DNAH2: variants seen among roughly 807,000 people sequenced by gnomAD.
DNAH2 encodes dynein axonemal heavy chain 2.
In DNAH2, 323 loss-of-function variants were observed where a neutral mutation model predicts 523.5. The observed-to-expected ratio is 0.62, with a 90% CI of 0.56 to 0.68. The LOEUF (loss-of-function observed/expected upper bound fraction) is 0.68. Among genes scored for constraint, DNAH2 ranks in the 30% least tolerant of loss-of-function variants. The pLI is 0.00. For synonymous variants in DNAH2, 2,093 were observed against 2,177.4 expected, an observed-to-expected ratio of 0.96 and a Z score of 1.08; for missense variants, 4,907 against 5,701.5, an observed-to-expected ratio of 0.86 and a Z score of 4.49.
chr17:7,786,199 C>G lies in DNAH2; in HGVS notation c.6205C>G (p.Gln2069Glu), dbSNP rs772507077. ...GCCGTTCACCCTCACCAAGGTTTTC[C>G]AGTTGTATGAAACCAAGAACTCCCG... ...STPFTLTKVF[Q>E]LYETKNSRHS... The change falls in exon 40 of 86, where the codon CAG becomes GAG. Residue 2069 changes from glutamine (Q) to glutamate (E), a missense_variant. Physicochemically the swap from Gln to Glu is conservative, Grantham distance 29. This residue lies in a region of DNAH2 where 2,806 missense variants were observed against 3,190.8 expected (regional missense o/e 0.88). Transcript: ENST00000572933. The surrounding 1 kb of genome is among the most constrained non-coding windows in gnomAD (Gnocchi z 7.5). The G allele has an allele frequency of 1.2e-5, 19 of 1,613,838 alleles. No homozygotes were observed. Among genetic ancestry groups the G allele is most frequent in the Admixed American group, 1.7e-5 (1 of 59,974 alleles).
At chr17:7,783,347 A>T (rs1195444021) in intron 39 of DNAH2, among the ~76,000 whole-genome samples, 1 of 152,060 alleles carries the variant, frequency 6.6e-6, no homozygotes, top group Non-Finnish European at 1.5e-5. Context: ...AAAGTGCTGG[A>T]ATTACAGGCA....
At chr17:7,789,640 G>C (rs1021941372) in intron 44 of DNAH2, among the ~76,000 whole-genome samples, 1 of 149,396 alleles carries the variant, frequency 6.7e-6, no homozygotes, top group African/African-American at 2.5e-5. Context: ...GCAGTGGCAC[G>C]ATCTCAGCTC....
At chr17:7,746,607 A>G (rs2075524340) in intron 12 of DNAH2, among the ~76,000 whole-genome samples, 1 of 152,182 alleles carries the variant, frequency 6.6e-6, no homozygotes, top group African/African-American at 2.4e-5. Context: ...GTTTTCCTTT[A>G]ATCTTTTAAA....
In DNAH2 at chr17:7,797,489, C is replaced by T. The variant is rs752530791; in HGVS notation, c.8039C>T (p.Thr2680Ile). 1.2e-6 allele frequency: 2 copies of T among 1,614,082 alleles called. No individual in the cohort carries two copies. The highest frequency in any genetic ancestry group is 2.7e-5 in the African/African-American group (2 of 74,922). The change falls in exon 52 of 86, where the codon ACA (threonine) becomes ATA (isoleucine). Residue 2680 changes from threonine (T) to isoleucine (I), a missense_variant. By Grantham distance (89) the Thr-to-Ile change is moderately conservative. Transcript: ENST00000572933. The stretch of plus-strand genomic sequence containing the variant: ...AAGCTCGGCTCCTTCTTTGACCTCA[C>T]ATTTCATCATCTCTGTCCCAGCAAG... ...SDKLGSFFDL[T>I]FHHLCPSKRP...
At chr17:7,792,453 G>A in intron 46 of DNAH2, 110 bp downstream of exon 46, 2 of 1,223,972 alleles carry the variant, frequency 1.6e-6, no homozygotes, top group Non-Finnish European at 2.4e-6. Flanking sequence ...GGAGAAGGTG[G>A]GTCCCAGAGA....
At chr17:7,749,833 A>G (rs1453345647) in intron 12 of DNAH2, among the ~76,000 whole-genome samples, 2 of 151,970 alleles carry the variant, frequency 1.3e-5, no homozygotes, top group Admixed American at 6.6e-5. Flanking sequence ...CGTCTATACT[A>G]AAAATACAAA....
chr17:7,806,373 A>T (rs1465305705), intron 61 of DNAH2, among the ~76,000 whole-genome samples: 1 of 152,136 alleles, frequency 6.6e-6, no homozygotes, highest in Non-Finnish European at 1.5e-5. Context: ...AGATAGAAGA[A>T]TGGGCCAGGC....
At position 7,718,156 on chromosome 17, in the gene DNAH2, C is replaced by G. The variant is rs1335974787; in HGVS notation, c.-658C>G. On this transcript the variant is annotated 5_prime_UTR_variant, in exon 1 of 86. Transcript: ENST00000572933. ...CGGTATTTCCTAGTACTAGAGTGAGCCCCGACTTAGCAGAGCAGTTCCTCC... is the reference window on the plus strand; with the variant it reads ...CGGTATTTCCTAGTACTAGAGTGAGGCCCGACTTAGCAGAGCAGTTCCTCC... 6.6e-6 allele frequency: 1 copy of G among 152,170 alleles called. No individual in the cohort carries two copies. Among genetic ancestry groups the G allele is most frequent in the East Asian group, 1.9e-4 (1 of 5,200 alleles). The allele number at this position is 152,170 out of a possible 1,614,324, so 9.4% of individuals were successfully genotyped here.
chr17:7,743,126 G>A lies in DNAH2; in HGVS notation c.1888G>A (p.Asp630Asn). 1 of 1,586,440 alleles carries A rather than the reference G, an allele frequency of 6.3e-7. No individual in the cohort carries two copies. The highest frequency in any genetic ancestry group is 8.5e-7 in the Non-Finnish European group (1 of 1,170,580). ...CAGCCAGGAGAAGGCGGGCATGCTGGATGTCAACTTTGACAAGTACAGGAG... is the reference window on the plus strand; with the variant it reads ...CAGCCAGGAGAAGGCGGGCATGCTGAATGTCAACTTTGACAAGTACAGGAG... ...RISQEKAGML[D>N]VNFDKSLLIL... is the part of the protein sequence containing the mutation. The change falls in exon 12 of 86, where the codon GAT becomes AAT. Residue 630 changes from aspartate to asparagine, a missense_variant. Physicochemically the swap from Asp to Asn is conservative, Grantham distance 23. Around this residue, in one of 3 missense-constraint regions of DNAH2, gnomAD observed 2,806 missense variants for 3,190.8 expected, o/e 0.88. Transcript: ENST00000572933.
intron 30 of DNAH2, 114 bp from the exon 31 acceptor site, chr17:7,775,910 C>A (rs1240069091): frequency 9.9e-6 from 14 of 1,412,970 alleles, no homozygotes; most frequent in Non-Finnish European, 1.3e-5. Flanking sequence ...TGGCCATTCC[C>A]GCTTTTCTCT....
In DNAH2 at chr17:7,798,050, T is replaced by TG; in HGVS notation, c.8231-105dup. The TG allele has an allele frequency of 2.1e-6, 3 of 1,447,488 alleles. No individual in the cohort carries two copies. Among genetic ancestry groups the TG allele is most frequent in the Non-Finnish European group, 1.8e-6 (2 of 1,083,156 alleles). The allele number at this position is 1,447,488 out of a possible 1,614,324, so 89.7% of individuals were successfully genotyped here. A position where few individuals can be genotyped will look rare whatever the true frequency, so the allele number is the denominator to read the frequency against. ...GGCACCAACTTCTTCTCATACCTCT[T>TG]GGTTCCTCTGCTTCAGTTTCAGGGG... On this transcript the variant is annotated intron_variant, in intron 53 of 85. Transcript: ENST00000572933. The surrounding 1 kb of genome is among the most constrained non-coding windows in gnomAD (Gnocchi z 5.5).
At chr17:7,796,697 C>T (rs1414961319) in intron 50 of DNAH2, 45 bp downstream of exon 50, 3 of 1,575,460 alleles carry the variant, frequency 1.9e-6, no homozygotes, top group Admixed American at 3.7e-5. Flanking sequence ...GCCCAGCCTC[C>T]GCGGAGGCTT....
chr17:7,817,272 CT>C lies in DNAH2; in HGVS notation c.9895-17del, dbSNP rs2077698693. The C allele has an allele frequency of 6.3e-7, 1 of 1,584,492 alleles. No homozygotes were observed. The highest frequency in any genetic ancestry group is 8.5e-7 in the Non-Finnish European group (1 of 1,172,182). ...GTGCTGGGGCCCAGGCAGGCTTACC[CT>C]CCCTCCTGTCCGCCAGGGCCTGGAG... On this transcript the variant is annotated splice_polypyrimidine_tract_variant and intron_variant, in intron 64 of 85. Transcript: ENST00000572933.
chr17:7,786,630 A>G lies in DNAH2; in HGVS notation c.6409A>G (p.Ser2137Gly), dbSNP rs767907430. 3.7e-6 allele frequency: 6 copies of G among 1,614,032 alleles called. No homozygotes were observed. In the African/African-American group the frequency reaches 5.3e-5, roughly 14 times the overall value. ...LGELYGEYDL[S>G]TNEWTDGILS... The stretch of plus-strand genomic sequence containing the variant: ...GGAACTGTATGGGGAATATGACCTC[A>G]GCACCAATGAATGGACAGATGGCAT... The change falls in exon 41 of 86, where the codon AGC becomes GGC. Residue 2137 changes from serine (S) to glycine (G), a missense_variant. Physicochemically the swap from Ser to Gly is moderately conservative, Grantham distance 56. Around this residue, in one of 3 missense-constraint regions of DNAH2, gnomAD observed 2,806 missense variants for 3,190.8 expected, o/e 0.88. Coordinates refer to ENST00000572933, the MANE Select transcript of DNAH2 (RefSeq NM_020877.5). The surrounding 1 kb of genome is among the most constrained non-coding windows in gnomAD (Gnocchi z 7.5).
chr17:7,759,822 C>G lies in DNAH2; in HGVS notation c.2669C>G (p.Ala890Gly). The G allele has an allele frequency of 1.9e-6, 3 of 1,614,200 alleles. No homozygotes were observed. Among genetic ancestry groups the G allele is most frequent in the East Asian group, 2.2e-5 (1 of 44,884 alleles). The change falls in exon 17 of 86, where the codon GCA (alanine) becomes GGA (glycine). Residue 890 changes from alanine to glycine, a missense_variant. Around this residue, in one of 3 missense-constraint regions of DNAH2, gnomAD observed 2,806 missense variants for 3,190.8 expected, o/e 0.88. Transcript: ENST00000572933. ...VEFSPTLQTL[A>G]GVVNDIGNHL... The stretch of plus-strand genomic sequence containing the variant: ...TTCTCACCCACTCTGCAGACTTTGG[C>G]AGGTGTGGTCAATGACATTGGCAAC...
chr17:7,773,824 G>A (rs2076381454), intron 28 of DNAH2, among the ~76,000 whole-genome samples: 2 of 152,038 alleles, frequency 1.3e-5, no homozygotes, highest in South Asian at 4.1e-4. Context: ...CTGCCTTCTG[G>A]GTTTAAGCAA....
Position 7,794,358 on chromosome 17 carries a change from A to G in DNAH2, c.7674A>G (p.Thr2558=). ...RFNIINMTFP[T]KSQIIRIFGT... is the part of the protein sequence containing the mutation. ...ACATTATCAACATGACCTTCCCCACAGTGAGGACCTCATGGGGGCTGCAGG... is the reference window on the plus strand; with the variant it reads ...ACATTATCAACATGACCTTCCCCACGGTGAGGACCTCATGGGGGCTGCAGG... The change falls in exon 49 of 86, where the codon ACA becomes ACG. Residue 2558 remains threonine, a splice_region_variant and synonymous_variant. Coordinates refer to ENST00000572933, the MANE Select transcript of DNAH2 (RefSeq NM_020877.5). 4.4e-6 allele frequency: 7 copies of G among 1,603,420 alleles called. No individual in the cohort carries two copies. Among genetic ancestry groups the G allele is most frequent in the Non-Finnish European group, 6.0e-6 (7 of 1,174,816 alleles).
intron 23 of DNAH2, 22 bp from the exon 24 acceptor site, chr17:7,768,142 C>T: frequency 1.2e-6 from 2 of 1,614,194 alleles, no homozygotes; most frequent in Non-Finnish European, 8.5e-7. Flanking sequence ...CGGGTCTTCT[C>T]ATGCCCCCAA....
intron 12 of DNAH2, among the ~76,000 whole-genome samples, chr17:7,745,928 G>C (rs914193868): frequency 6.6e-6 from 1 of 152,100 alleles, no homozygotes. Context: ...ACAGTCTCAA[G>C]TTCAAACCCT....
Sources: allele counts gnomAD v4.1 joint callset (sites outside exome capture counted in the v4.1 genomes callset), GRCh38; gene constraint gnomAD v4.1.1; regional missense constraint gnomAD v4.1.1; non-coding constraint Gnocchi (gnomAD v3.1); transcripts MANE v1.5; gene names NCBI Gene and HGNC (gene_info 2026-07-23, HGNC 2026-07-21).